AUTS2: variants seen among roughly 807,000 people sequenced by gnomAD.
The protein encoded by AUTS2 is activator of transcription and developmental regulator AUTS2, also known as autism susceptibility gene 2 protein.
AUTS2 carries 17 observed loss-of-function variants against 112.4 expected under a neutral mutation model. The ratio of observed to expected loss-of-function variants is 0.15; its 90% CI spans 0.10 to 0.23. AUTS2 has a LOEUF of 0.23. Ranked by LOEUF, AUTS2 falls within the 10% of genes least tolerant of loss-of-function variation. AUTS2 has a pLI of 1.00. For synonymous variants in AUTS2, 751 were observed against 702.7 expected, an observed-to-expected ratio of 1.07 and a Z score of -1.09; for missense variants, 1,510 against 1,701.6, an observed-to-expected ratio of 0.89 and a Z score of 1.98.
chr7:70,322,534 GATGGCTTTGGTGATACTAACTGA>G (rs1179570375), intron 4 of AUTS2, among the ~76,000 whole-genome samples: 1 of 152,190 alleles, frequency 6.6e-6, no homozygotes, highest in Non-Finnish European at 1.5e-5. Context: ...TGATAAGAAA[GATGGCTTTGGTGATACTAACTGA>G]ATGCCTACTA....
intron 4 of AUTS2, among the ~76,000 whole-genome samples, chr7:70,266,849 C>G (rs775684303): frequency 2.0e-5 from 3 of 151,848 alleles, no homozygotes; most frequent in Non-Finnish European, 4.4e-5. Context: ...ATTTTTTTTC[C>G]TTTGACTTAA....
intron 2 of AUTS2, among the ~76,000 whole-genome samples, chr7:70,056,523 G>A (rs1802000520): frequency 6.6e-6 from 1 of 152,192 alleles, no homozygotes; most frequent in Admixed American, 6.5e-5. Context: ...TAATCTCAGT[G>A]CTCGGGCTCA....
At chr7:70,535,467 T>C (rs899848018) in intron 5 of AUTS2, among the ~76,000 whole-genome samples, 18 of 152,170 alleles carry the variant, frequency 1.2e-4, no homozygotes, top group Non-Finnish European at 1.5e-5. Flanking sequence ...CAGGCTAGAG[T>C]GCAGTGGCGT....
In AUTS2 at chr7:69,894,252, G is replaced by GTTTTTTTTTT. The variant is rs370966756; in HGVS notation, c.310-5017_310-5008dup. ...GACTGTCAAATGAATGCCTTAAAGC[G>GTTTTTTTTTT]TTTTTTTTTTTTTTTTTTTTTTTTT... On this transcript the variant is annotated intron_variant, in intron 1 of 18. Coordinates refer to ENST00000342771, the MANE Select transcript of AUTS2 (RefSeq NM_015570.4). 9.8e-4 allele frequency among the ~76,000 whole-genome samples: 36 copies of GTTTTTTTTTT among 36,720 alleles called. 2 individuals are homozygous for GTTTTTTTTTT. Among genetic ancestry groups the GTTTTTTTTTT allele is most frequent in the African/African-American group, 4.1e-3 (31 of 7,562 alleles). 24.1% of individuals were successfully genotyped at this position (36,720 alleles called of 152,430 possible).
At chr7:70,239,838 G>A (rs964839777) in intron 4 of AUTS2, among the ~76,000 whole-genome samples, 1 of 152,160 alleles carries the variant, frequency 6.6e-6, no homozygotes, top group Non-Finnish European at 1.5e-5. Flanking sequence ...CCTACTCTCT[G>A]TAAGGCAATG....
intron 4 of AUTS2, among the ~76,000 whole-genome samples, chr7:70,295,702 C>G (rs1788902234): frequency 6.6e-6 from 1 of 152,184 alleles, no homozygotes. Context: ...CCTTGTTTCT[C>G]TTCTTCGTGA....
intron 1 of AUTS2, among the ~76,000 whole-genome samples, chr7:69,777,683 T>A (rs576350472): frequency 2.5e-4 from 38 of 152,220 alleles, no homozygotes; most frequent in Non-Finnish European, 3.4e-4. Context: ...TAAAATTATT[T>A]ACAAATGATT....
rs148712885 is a variant in AUTS2 at position 69,608,531 on chromosome 7, C to A, written c.309+8569C>A. Among the ~76,000 whole-genome samples the A allele has an allele frequency of 9.2e-4, 140 of 152,254 alleles. 1 individual carries two copies. Among genetic ancestry groups the A allele is most frequent in the East Asian group, 8.7e-3 (45 of 5,186 alleles). On this transcript the variant is annotated intron_variant, in intron 1 of 18. Transcript: ENST00000342771. ...TTGTTTTCTTCTAGATCTCTTTGTT[C>A]AGTTATACTCGTTGGCTAAAGGTTG...
rs144865180 is a variant in AUTS2 at position 70,581,685 on chromosome 7, T to C, written c.691-116884T>C. On this transcript the variant is annotated intron_variant, in intron 5 of 18. Transcript: ENST00000342771. ...CCTTCTCCCTATCCAACCTTAGCCTTAACCAAGAACAGACCTGGTTCCTAG... is the reference window on the plus strand; with the variant it reads ...CCTTCTCCCTATCCAACCTTAGCCTCAACCAAGAACAGACCTGGTTCCTAG... Among the ~76,000 whole-genome samples the C allele has an allele frequency of 2.0e-3, 309 of 152,324 alleles. 1 individual carries two copies. The highest frequency in any genetic ancestry group is 3.4e-3 in the Middle Eastern group (1 of 294).
chr7:70,365,989 A>G (rs73440750), intron 4 of AUTS2, among the ~76,000 whole-genome samples: 2,522 of 152,316 alleles, frequency 0.017, 82 homozygotes, highest in African/African-American at 0.057. Context: ...TTGGGTACCT[A>G]CCATAAGCCA....
intron 1 of AUTS2, among the ~76,000 whole-genome samples, chr7:69,810,466 T>G (rs1398276697): frequency 1.3e-5 from 2 of 151,372 alleles, no homozygotes; most frequent in East Asian, 3.9e-4. Flanking sequence ...CACACAGTAG[T>G]TGTTTAATTA....
At chr7:70,364,971 G>T (rs554028627) in intron 4 of AUTS2, among the ~76,000 whole-genome samples, 1 of 152,162 alleles carries the variant, frequency 6.6e-6, no homozygotes, top group African/African-American at 2.4e-5. Flanking sequence ...TAAAGTTGGC[G>T]TGCTACTTCC....
chr7:69,834,333 C>G (rs950627330), intron 1 of AUTS2, among the ~76,000 whole-genome samples: 2 of 152,172 alleles, frequency 1.3e-5, no homozygotes, highest in Non-Finnish European at 2.9e-5. Flanking sequence ...CTCTTCTATA[C>G]TCCAGGTTGA....
At chr7:69,743,593 T>G (rs901573582) in intron 1 of AUTS2, among the ~76,000 whole-genome samples, 2 of 152,168 alleles carry the variant, frequency 1.3e-5, no homozygotes, top group Non-Finnish European at 2.9e-5. Flanking sequence ...TATAGGATAT[T>G]TCTGTCACCG....
intron 5 of AUTS2, among the ~76,000 whole-genome samples, chr7:70,599,526 A>G (rs887352933): frequency 2.6e-5 from 4 of 152,214 alleles, no homozygotes; most frequent in Admixed American, 1.3e-4. Flanking sequence ...CCTCAGGTCC[A>G]TCCCTGGATT....
chr7:70,667,775 C>T (rs1210292833), intron 5 of AUTS2, among the ~76,000 whole-genome samples: 1 of 152,218 alleles, frequency 6.6e-6, no homozygotes, highest in Admixed American at 6.5e-5. Flanking sequence ...TAGTTTTTAG[C>T]ATTACCAAAT....
chr7:70,225,063 G>T (rs1034316519), intron 4 of AUTS2, among the ~76,000 whole-genome samples: 3 of 152,118 alleles, frequency 2.0e-5, no homozygotes, highest in Admixed American at 2.0e-4. Flanking sequence ...TTCTACACAG[G>T]CTTAGTCTTC....
chr7:70,759,749 G>A (rs1035668050), intron 6 of AUTS2, among the ~76,000 whole-genome samples: 3 of 152,304 alleles, frequency 2.0e-5, no homozygotes, highest in Middle Eastern at 3.4e-3. Context: ...AAGCTTGGCT[G>A]TGTTATCCAA....
intron 2 of AUTS2, among the ~76,000 whole-genome samples, chr7:70,041,859 A>G (rs939491635): frequency 6.6e-6 from 1 of 152,138 alleles, no homozygotes; most frequent in Admixed American, 6.5e-5. Context: ...CAGTTTTATT[A>G]TCTTTTTTTG....
Sources: allele counts gnomAD v4.1 joint callset (sites outside exome capture counted in the v4.1 genomes callset), GRCh38; gene constraint gnomAD v4.1.1; transcripts MANE v1.5; gene names NCBI Gene and HGNC (gene_info 2026-07-23, HGNC 2026-07-21).